The following MXD1 variants were observed in gnomAD, a reference collection of about 807,000 sequenced individuals.
MXD1 encodes MAX-binding protein.
In MXD1, 9 loss-of-function variants were observed where a neutral mutation model predicts 25.7. The observed-to-expected ratio is 0.35, with a 90% CI of 0.21 to 0.61. The LOEUF is 0.61. Ranked by LOEUF, MXD1 falls within the 20% of genes least tolerant of loss-of-function variation. The probability of loss-of-function intolerance (pLI) is 0.75; values close to 1 mark genes in which losing one functional copy is unlikely to be tolerated. For synonymous variants in MXD1, 99 were observed against 113.9 expected, an observed-to-expected ratio of 0.87 and a Z score of 0.83; for missense variants, 227 against 292.4, an observed-to-expected ratio of 0.78 and a Z score of 1.63.
At chr2:69,935,513 G>C (rs989007826) in intron 4 of MXD1, 48 bp downstream of exon 4, 1 of 1,331,274 alleles carries the variant, frequency 7.5e-7, no homozygotes, top group Non-Finnish European at 1.1e-6. Flanking sequence ...GTTCAGTGAG[G>C]GTTTGTCTGT....
rs1422849146 is a variant in MXD1, at chr2:69,941,779, G to C, written c.*3495G>C. ...ACCATCTAGCAATATCTTGGAGCTTGAGAATAGATTTTGTGGGCTTATTTC... is the reference window on the plus strand; with the variant it reads ...ACCATCTAGCAATATCTTGGAGCTTCAGAATAGATTTTGTGGGCTTATTTC... On this transcript the variant is annotated 3_prime_UTR_variant, in exon 6 of 6. Coordinates refer to ENST00000264444, the MANE Select transcript of MXD1 (RefSeq NM_002357.4). 1 of 152,074 alleles carries C rather than the reference G, an allele frequency of 6.6e-6. No homozygotes were observed. Among genetic ancestry groups the C allele is most frequent in the East Asian group, 1.9e-4 (1 of 5,192 alleles). 9.4% of individuals were successfully genotyped at this position (152,074 alleles called of 1,614,324 possible).
chr2:69,916,364 G>C, intron 2 of MXD1, 144 bp downstream of exon 2: 2 of 526,756 alleles, frequency 3.8e-6, no homozygotes, highest in South Asian at 2.9e-5. Context: ...ATGGACTTAA[G>C]CCATTGCAGG....
At chr2:69,937,576 A>G (rs185532031) in intron 5 of MXD1, among the ~76,000 whole-genome samples, 182 bp downstream of exon 5, 1 of 152,242 alleles carries the variant, frequency 6.6e-6, no homozygotes, top group Admixed American at 6.5e-5. Flanking sequence ...TTAGGTGACA[A>G]CCCCAGAAGA....
intron 3 of MXD1, among the ~76,000 whole-genome samples, chr2:69,931,559 T>G (rs1030981261): frequency 6.6e-6 from 1 of 152,218 alleles, no homozygotes; most frequent in Non-Finnish European, 1.5e-5. Context: ...GTACCACATT[T>G]CTCCAGACAT....
In MXD1 at chr2:69,935,334, T is replaced by C. The variant is rs1677400117; in HGVS notation, c.204-17T>C. On this transcript the variant is annotated splice_polypyrimidine_tract_variant and intron_variant, in intron 3 of 5. Transcript: ENST00000264444. Reference sequence around the variant, plus strand: ...ACTGTGAAACTCTCAAATGCTACTGTGGTCTTGTTTTCATAGACGGGCTCA... The same window carrying C: ...ACTGTGAAACTCTCAAATGCTACTGCGGTCTTGTTTTCATAGACGGGCTCA... 4 of 1,582,124 alleles carry C rather than the reference T, an allele frequency of 2.5e-6. No homozygotes were observed. The African/African-American group carries it at 5.4e-5, about 21-fold the overall frequency.
At position 69,941,962 on chromosome 2, in the gene MXD1, T is replaced by TC. The variant is rs573977874; in HGVS notation, c.*3683dup. On this transcript the variant is annotated 3_prime_UTR_variant, in exon 6 of 6. Transcript: ENST00000264444. The stretch of plus-strand genomic sequence containing the variant: ...TCATTGTCCTTTACAGTCTATTTCT[T>TC]CCCCCAAGTCTTGGTCTTTTTTTAT... 6.6e-6 allele frequency: 1 copy of TC among 152,110 alleles called. No homozygotes were observed. Among genetic ancestry groups the TC allele is most frequent in the African/African-American group, 2.4e-5 (1 of 41,418 alleles). The allele number at this position is 152,110 out of a possible 1,614,324, so 9.4% of individuals were successfully genotyped here.
chr2:69,921,910 C>A, intron 3 of MXD1, 145 bp downstream of exon 3: 1 of 703,546 alleles, frequency 1.4e-6, no homozygotes, highest in Non-Finnish European at 2.3e-6. Context: ...AGCAGCATCG[C>A]TCATAAATTA....
At position 69,939,697 on chromosome 2, in the gene MXD1, A is replaced by G. The variant is rs1027095905; in HGVS notation, c.*1413A>G. On this transcript the variant is annotated 3_prime_UTR_variant, in exon 6 of 6. Coordinates refer to ENST00000264444, the MANE Select transcript of MXD1 (RefSeq NM_002357.4). ...TTTCAGCCTCTGGCGAATCTTTTTCATTGAATTTGAACCATTTGTAAAATC... is the reference window on the plus strand; with the variant it reads ...TTTCAGCCTCTGGCGAATCTTTTTCGTTGAATTTGAACCATTTGTAAAATC... 6.6e-6 allele frequency: 1 copy of G among 152,550 alleles called. No homozygotes were observed. Among genetic ancestry groups the G allele is most frequent in the African/African-American group, 2.4e-5 (1 of 41,450 alleles). The allele number at this position is 152,550 out of a possible 1,614,324, so 9.4% of individuals were successfully genotyped here.
At chr2:69,921,642 T>C (rs1677065618) in intron 2 of MXD1, 94 bp from the exon 3 acceptor site, 3 of 1,192,362 alleles carry the variant, frequency 2.5e-6, no homozygotes, top group African/African-American at 3.1e-5. Flanking sequence ...CCTATCAACT[T>C]TGGAGAGAAA....
At chr2:69,921,893 C>G (rs1677070845) in intron 3 of MXD1, 128 bp downstream of exon 3, 1 of 837,548 alleles carries the variant, frequency 1.2e-6, no homozygotes, top group African/African-American at 1.8e-5. Flanking sequence ...TCACCCAGCG[C>G]CCTCTAAGCA....
intron 3 of MXD1, among the ~76,000 whole-genome samples, chr2:69,924,802 A>G (rs1253715278): frequency 6.6e-6 from 1 of 152,110 alleles, no homozygotes; most frequent in African/African-American, 2.4e-5. Context: ...AACTTCTAAC[A>G]GTGGGATTTT....
rs535046904 is a variant in MXD1, at chr2:69,924,116, G to A, written c.203+2351G>A. 1.2e-4 allele frequency among the ~76,000 whole-genome samples: 18 copies of A among 152,282 alleles called. No homozygotes were observed. The East Asian group carries it at 3.5e-3, about 29-fold the overall frequency. On this transcript the variant is annotated intron_variant, in intron 3 of 5. Transcript: ENST00000264444. ...CTGGGTATTAAATGCGTTCATAGTA[G>A]GGTATTAAATCAGCAAGGTCCCCAT...
rs1573397062 is a variant in MXD1 at position 69,915,212 on chromosome 2, C to CGCGGGGTCCACA, written c.-113_-102dup. On this transcript the variant is annotated 5_prime_UTR_variant, in exon 1 of 6. Transcript: ENST00000264444. This position sits in a 1 kb window ranked among gnomAD's most constrained non-coding sequence, Gnocchi z 5.8. The stretch of plus-strand genomic sequence containing the variant: ...CAGAGAGGCTCCCTCAGCCCTGCTC[C>CGCGGGGTCCACA]GCGGGGTCCACAGCGGGCTCCACAG... 2.2e-6 allele frequency: 2 copies of CGCGGGGTCCACA among 914,364 alleles called. No individual in the cohort carries two copies. The highest frequency in any genetic ancestry group is 2.9e-6 in the Non-Finnish European group (2 of 680,812). The allele number at this position is 914,364 out of a possible 1,614,324, so 56.6% of individuals were successfully genotyped here.
At chr2:69,937,049 A>G (rs758759230) in intron 4 of MXD1, 186 bp from the exon 5 acceptor site, 1 of 780,766 alleles carries the variant, frequency 1.3e-6, no homozygotes. Context: ...GCGATGCTGA[A>G]GAGTCAGACG....
At chr2:69,928,591 G>A (rs1677215639) in intron 3 of MXD1, among the ~76,000 whole-genome samples, 2 of 152,000 alleles carry the variant, frequency 1.3e-5, no homozygotes, top group Non-Finnish European at 2.9e-5. Context: ...GACTTGCTGG[G>A]GGCACTGGCT....
rs1048446629 is a variant in MXD1 at position 69,921,890 on chromosome 2, G to A, written c.203+125G>A. Reference sequence around the variant, plus strand: ...AGCACCTGATTTCAGAATTCACCCAGCGCCCTCTAAGCAGCATCGCTCATA... The same window carrying A: ...AGCACCTGATTTCAGAATTCACCCAACGCCCTCTAAGCAGCATCGCTCATA... On this transcript the variant is annotated intron_variant, in intron 3 of 5. Coordinates refer to ENST00000264444, the MANE Select transcript of MXD1 (RefSeq NM_002357.4). 7 of 884,048 alleles carry A rather than the reference G, an allele frequency of 7.9e-6. No individual in the cohort carries two copies. The Admixed American group carries it at 1.9e-4, about 24-fold the overall frequency. 54.8% of individuals were successfully genotyped at this position (884,048 alleles called of 1,614,324 possible).
chr2:69,920,230 C>T (rs1677040056), intron 2 of MXD1, among the ~76,000 whole-genome samples: 1 of 152,190 alleles, frequency 6.6e-6, no homozygotes, highest in Admixed American at 6.5e-5. Context: ...TCATGATCCG[C>T]CTGCCTCGGC....
At chr2:69,925,661 C>T (rs536776777) in intron 3 of MXD1, among the ~76,000 whole-genome samples, 1 of 152,132 alleles carries the variant, frequency 6.6e-6, no homozygotes, top group South Asian at 2.1e-4. Context: ...TACTTAATGC[C>T]CAGTATTATA....
Position 69,915,242 on chromosome 2 carries a change from C to T in MXD1, c.-89C>T, listed in dbSNP as rs867435432. 32 of 1,175,826 alleles carry T rather than the reference C, an allele frequency of 2.7e-5. No homozygotes were observed. In the South Asian group the frequency reaches 8.6e-4, roughly 31 times the overall value. 72.8% of individuals were successfully genotyped at this position (1,175,826 alleles called of 1,614,324 possible). On this transcript the variant is annotated 5_prime_UTR_variant, in exon 1 of 6. Coordinates refer to ENST00000264444, the MANE Select transcript of MXD1 (RefSeq NM_002357.4). This position sits in a 1 kb window ranked among gnomAD's most constrained non-coding sequence, Gnocchi z 5.8. ...GGTCCACAGCGGGCTCCACAGCGGG[C>T]TCCATAGCGGGCTCCACAGCGGTCC...
Sources: gnomAD v4.1 joint callset for allele counts (sites outside exome capture counted in the v4.1 genomes callset) on GRCh38, gnomAD v4.1.1 for gene constraint, Gnocchi (gnomAD v3.1) non-coding constraint, MANE v1.5 for transcripts, NCBI Gene and HGNC (gene_info 2026-07-23, HGNC 2026-07-21) for gene names.